Variants in GTF2IRD1 observed in about 807,000 individuals in gnomAD.
GTF2IRD1 encodes the protein GTF2I repeat domain containing 1.
A neutral mutation model predicts 113.2 loss-of-function variants in GTF2IRD1; 26 were observed. The observed-to-expected ratio is 0.23, with a 90% CI of 0.17 to 0.32. GTF2IRD1 has a LOEUF of 0.32. Among genes scored for constraint, GTF2IRD1 ranks in the 10% least tolerant of loss-of-function variants. The pLI, the probability that GTF2IRD1 is intolerant of heterozygous loss-of-function variation, is 1.00. For missense variants in GTF2IRD1, 864 were observed against 1,280.8 expected, an observed-to-expected ratio of 0.67 and a Z score of 4.97; for synonymous variants, 484 against 529.1, an observed-to-expected ratio of 0.91 and a Z score of 1.17.
In GTF2IRD1 at chr7:74,559,542, G is replaced by A. The variant is rs1799818635; in HGVS notation, c.2292-85G>A. On this transcript the variant is annotated intron_variant, in intron 21 of 26. Transcript: ENST00000424337. ...CTGTAGGTCTGGGGTGCTCCCAGGG[G>A]AGACCGAGGCCACTGAATCCCAGGG... The A allele has an allele frequency of 8.1e-6, 10 of 1,233,806 alleles. No homozygotes were observed. In the Admixed American group the frequency reaches 8.8e-5, roughly 11 times the overall value. 76.4% of individuals were successfully genotyped at this position (1,233,806 alleles called of 1,614,324 possible).
At chr7:74,485,034 ACTT>A (rs1414218801) in intron 1 of GTF2IRD1, among the ~76,000 whole-genome samples, 1 of 152,032 alleles carries the variant, frequency 6.6e-6, no homozygotes, top group Non-Finnish European at 1.5e-5. Flanking sequence ...TCCCACTGAG[ACTT>A]CTTCTGGCCT....
chr7:74,472,544 C>T (rs1305546876), intron 1 of GTF2IRD1, among the ~76,000 whole-genome samples: 1 of 152,012 alleles, frequency 6.6e-6, no homozygotes, highest in Non-Finnish European at 1.5e-5. Context: ...GTCGGGAGTT[C>T]GAGAGCAGCC....
chr7:74,460,788 G>T (rs1312502481), intron 1 of GTF2IRD1, among the ~76,000 whole-genome samples: 1 of 152,218 alleles, frequency 6.6e-6, no homozygotes, highest in Non-Finnish European at 1.5e-5. Context: ...GGATTGGCAA[G>T]GCCTGAGTGC....
In GTF2IRD1 at chr7:74,488,758, A is replaced by AAG. The variant is rs782720446; in HGVS notation, c.-6-19303_-6-19302dup. On this transcript the variant is annotated intron_variant, in intron 1 of 26. Transcript: ENST00000424337. ...TCCAGCCTGGGTGACAGAAGAAAAA[A>AAG]AGAGAGAGAGAGAGAAGAAAAGAAA... 1.0e-3 allele frequency among the ~76,000 whole-genome samples: 156 copies of AAG among 149,824 alleles called. No individual in the cohort carries two copies. The East Asian group carries it at 0.02, about 19-fold the overall frequency.
At chr7:74,527,422 CG>C (rs1273146146) in intron 8 of GTF2IRD1, among the ~76,000 whole-genome samples, 1 of 152,116 alleles carries the variant, frequency 6.6e-6, no homozygotes. Flanking sequence ...AGCCAGAAGT[CG>C]AGGCTGCAGT....
intron 2 of GTF2IRD1, among the ~76,000 whole-genome samples, chr7:74,511,391 C>T (rs868940529): frequency 3.3e-5 from 5 of 152,210 alleles, no homozygotes; most frequent in African/African-American, 1.2e-4. Context: ...ATGGTCTCGG[C>T]GTCTTCAGCT....
intron 22 of GTF2IRD1, among the ~76,000 whole-genome samples, chr7:74,584,819 G>T (rs587713542): frequency 1.3e-5 from 2 of 152,148 alleles, no homozygotes; most frequent in African/African-American, 4.8e-5. Flanking sequence ...TTGTTGTTTT[G>T]AGATGAAGTC....
intron 1 of GTF2IRD1, among the ~76,000 whole-genome samples, chr7:74,465,108 A>G (rs1421160711): frequency 6.6e-6 from 1 of 152,126 alleles, no homozygotes; most frequent in Non-Finnish European, 1.5e-5. Flanking sequence ...TTTTTCAGGC[A>G]TGGCCGCTTC....
intron 11 of GTF2IRD1, among the ~76,000 whole-genome samples, chr7:74,537,471 TACCTACTACATGCATACAC>T (rs1459170501): frequency 7.3e-5 from 11 of 151,364 alleles, no homozygotes; most frequent in African/African-American, 1.9e-4. Context: ...CATGCATACA[TACCTACTACATGCATACAC>T]ACCTACCTAC....
chr7:74,461,001 G>A (rs1352690606), intron 1 of GTF2IRD1, among the ~76,000 whole-genome samples: 1 of 152,068 alleles, frequency 6.6e-6, no homozygotes. Context: ...AGGGGCCGGG[G>A]TCATGGGGTC....
intron 17 of GTF2IRD1, among the ~76,000 whole-genome samples, chr7:74,549,829 A>C (rs587763791): frequency 6.6e-6 from 1 of 152,274 alleles, no homozygotes; most frequent in South Asian, 2.1e-4. Context: ...TGAGGTTGGG[A>C]GTTTGAGACC....
intron 22 of GTF2IRD1, among the ~76,000 whole-genome samples, chr7:74,585,314 T>A (rs587726290): frequency 1.3e-5 from 2 of 149,948 alleles, no homozygotes; most frequent in South Asian, 4.3e-4. Flanking sequence ...GGTTTCACCA[T>A]GTTGGCCAGG....
chr7:74,456,692 A>G (rs1471692711), intron 1 of GTF2IRD1, among the ~76,000 whole-genome samples: 3 of 151,926 alleles, frequency 2.0e-5, no homozygotes, highest in Non-Finnish European at 2.9e-5. Context: ...AAAAAAAAAA[A>G]AAGAAAAAAT....
chr7:74,477,971 AG>A (rs1215968480), intron 1 of GTF2IRD1, among the ~76,000 whole-genome samples: 1 of 152,158 alleles, frequency 6.6e-6, no homozygotes, highest in Admixed American at 6.5e-5. Flanking sequence ...GCCTGGCCCC[AG>A]GGGTTGGCAC....
chr7:74,490,463 A>C (rs1361775035), intron 1 of GTF2IRD1, among the ~76,000 whole-genome samples: 1 of 149,848 alleles, frequency 6.7e-6, no homozygotes, highest in Non-Finnish European at 1.5e-5. Flanking sequence ...CCCCCAGGCC[A>C]CTCTACCCCC....
chr7:74,477,355 T>C (rs1554333739), intron 1 of GTF2IRD1, among the ~76,000 whole-genome samples: 1 of 120,812 alleles, frequency 8.3e-6, no homozygotes, highest in African/African-American at 2.8e-5. Flanking sequence ...CAGTTTTTTT[T>C]TTGTGTCCAA....
Position 74,516,556 on chromosome 7 carries a change from T to A in GTF2IRD1, c.421+960T>A, listed in dbSNP as rs142097337. ...TCCCTTTGGTGCTCAGGGTCCCACC[T>A]CATTCATTTCTGATTTGGCTTTATC... is the stretch of plus-strand genomic sequence containing the variant. On this transcript the variant is annotated intron_variant, in intron 4 of 26. Transcript: ENST00000424337. Among the ~76,000 whole-genome samples the A allele has an allele frequency of 2.0e-5, 3 of 152,296 alleles. No homozygotes were observed. The East Asian group carries it at 5.8e-4, about 29-fold the overall frequency.
At chr7:74,497,499 C>T (rs1795797653) in intron 1 of GTF2IRD1, among the ~76,000 whole-genome samples, 1 of 152,198 alleles carries the variant, frequency 6.6e-6, no homozygotes, top group African/African-American at 2.4e-5. Context: ...AAGCAATCCT[C>T]CTGCCTCAGC....
intron 22 of GTF2IRD1, among the ~76,000 whole-genome samples, chr7:74,574,298 G>A (rs782314644): frequency 8.6e-5 from 13 of 150,818 alleles, no homozygotes; most frequent in East Asian, 7.9e-4. Flanking sequence ...CACTGAGCCC[G>A]GCCTCATTAT....
Sources: gnomAD v4.1 joint callset for allele counts (sites outside exome capture counted in the v4.1 genomes callset) on GRCh38, gnomAD v4.1.1 for gene constraint, MANE v1.5 for transcripts, NCBI Gene and HGNC (gene_info 2026-07-23, HGNC 2026-07-21) for gene names.